Variants in ZHX1 observed in about 807,000 individuals in gnomAD.
The protein encoded by ZHX1 is zinc fingers and homeoboxes 1, also known as zinc fingers and homeoboxes protein 1.
A neutral mutation model predicts 61.8 loss-of-function variants in ZHX1; 20 were observed. That is an observed-to-expected ratio of 0.32 (90% CI 0.23 to 0.47). The LOEUF is 0.47. ZHX1 is among the 20% of genes least tolerant of loss of function. The pLI is 1.00. For missense variants in ZHX1, 800 were observed against 1,034.8 expected, an observed-to-expected ratio of 0.77 and a Z score of 3.11; for synonymous variants, 318 against 352.6, an observed-to-expected ratio of 0.90 and a Z score of 1.10.
At chr8:123,274,578 G>A (rs1356118447), upstream of ZHX1, 2 of 152,316 alleles carry the variant, frequency 1.3e-5, no homozygotes, top group African/African-American at 4.8e-5. Context: ...CTAGTCCGGG[G>A]ATTGGCGCAC....
In ZHX1 at chr8:123,254,870, T is replaced by C; in HGVS notation, c.1077A>G (p.Thr359=). 1 of 1,614,248 alleles carries C rather than the reference T, an allele frequency of 6.2e-7. No homozygotes were observed. The highest frequency in any genetic ancestry group is 8.5e-7 in the Non-Finnish European group (1 of 1,180,028). The change falls in exon 3 of 4, where the codon ACA becomes ACG. Residue 359 remains threonine, a synonymous_variant. Transcript: ENST00000395571. This position sits in a 1 kb window ranked among gnomAD's most constrained non-coding sequence, Gnocchi z 4.1. ...EEARRKQFNG[T]VHTVPQTITV... ...TTATGGTCTGAGGTACAGTATGCAC[T>C]GTTCCATTGAATTGTTTCCTTCTTG...
intron 2 of ZHX1, chr8:123,262,722 T>TTTCTTTA (rs1826313777): frequency 6.6e-6 from 1 of 152,112 alleles, no homozygotes; most frequent in Non-Finnish European, 1.5e-5. Flanking sequence ...ACCCTAAAAT[T>TTTCTTTA]GCAAATAGAC....
chr8:123,268,848 G>C (rs1466280947), intron 1 of ZHX1, among the ~76,000 whole-genome samples: 1 of 152,186 alleles, frequency 6.6e-6, no homozygotes, highest in African/African-American at 2.4e-5. Context: ...TATTAAGGAA[G>C]AGTATTTTCC....
intron 2 of ZHX1, 26 bp downstream of exon 2, chr8:123,267,247 C>T (rs1397375896): frequency 6.5e-7 from 1 of 1,528,010 alleles, no homozygotes; most frequent in Non-Finnish European, 8.8e-7. Flanking sequence ...CTGAGTTTTA[C>T]CATACCAAAA....
chr8:123,251,660 T>TA (rs561440421), intron 3 of ZHX1, among the ~76,000 whole-genome samples: 88 of 151,920 alleles, frequency 5.8e-4, no homozygotes, highest in African/African-American at 2.1e-3. Flanking sequence ...TGTTTAGCAA[T>TA]AAAAAAAATG....
intron 3 of ZHX1, chr8:123,252,663 G>A (rs1403300679): frequency 6.6e-6 from 1 of 151,988 alleles, no homozygotes; most frequent in Non-Finnish European, 1.5e-5. Flanking sequence ...ATTTATATAT[G>A]GCCTAAAACA....
Position 123,254,813 on chromosome 8 carries a change from A to G in ZHX1, c.1134T>C (p.Ser378=). 1 of 1,614,082 alleles carries G rather than the reference A, an allele frequency of 6.2e-7. No homozygotes were observed. Among genetic ancestry groups the G allele is most frequent in the African/African-American group, 1.3e-5 (1 of 74,992 alleles). ...TVIPTHISTG[S]NGLPSILQTC... is the part of the protein sequence containing the mutation. The stretch of plus-strand genomic sequence containing the variant: ...TCTGTAAAATAGATGGTAAACCATT[A>G]CTCCCTGTGGAAATGTGTGTAGGAA... The change falls in exon 3 of 4, where the codon AGT becomes AGC. Residue 378 remains serine, a synonymous_variant. Transcript: ENST00000395571. The surrounding 1 kb of genome is among the most constrained non-coding windows in gnomAD (Gnocchi z 4.1).
At chr8:123,261,916 C>T (rs946630156) in intron 2 of ZHX1, among the ~76,000 whole-genome samples, 3 of 152,116 alleles carry the variant, frequency 2.0e-5, no homozygotes, top group African/African-American at 7.2e-5. Context: ...CGTTCCTATT[C>T]ATCTCCCTTT....
Position 123,255,104 on chromosome 8 carries a change from G to T in ZHX1, c.843C>A (p.Ile281=). The change falls in exon 3 of 4, where the codon ATC becomes ATA. Residue 281 remains isoleucine, a synonymous_variant. Coordinates refer to ENST00000395571, the MANE Select transcript of ZHX1 (RefSeq NM_007222.5). ...QNSNLIPKVL[I]PVNSIPTYNA... ...TGTAGGTGGGAATGCTATTAACAGG[G>T]ATTAAGACTTTGGGAATCAAATTAG... 1 of 1,614,174 alleles carries T rather than the reference G, an allele frequency of 6.2e-7. No homozygotes were observed. The highest frequency in any genetic ancestry group is 8.5e-7 in the Non-Finnish European group (1 of 1,180,026).
Position 123,267,376 on chromosome 8 carries a change from T to A in ZHX1, c.-329A>T, listed in dbSNP as rs956523815. The A allele has an allele frequency of 1.8e-6, 2 of 1,117,768 alleles. No homozygotes were observed. Among genetic ancestry groups the A allele is most frequent in the South Asian group, 1.9e-5 (1 of 53,220 alleles). The allele number at this position is 1,117,768 out of a possible 1,614,324, so 69.2% of individuals were successfully genotyped here. A position where few individuals can be genotyped will look rare whatever the true frequency, so the allele number is the denominator to read the frequency against. ...ATTACCAACAGGTCCAAAGCAGCAG[T>A]CTGTCTTCTCCTACAAAAAAGTCAT... On this transcript the variant is annotated 5_prime_UTR_variant, in exon 2 of 4. Transcript: ENST00000395571.
At chr8:123,258,173 G>T (rs1422970613) in intron 2 of ZHX1, among the ~76,000 whole-genome samples, 1 of 152,168 alleles carries the variant, frequency 6.6e-6, no homozygotes, top group Non-Finnish European at 1.5e-5. Flanking sequence ...ATGTGGTAAT[G>T]AGTGAGTTCT....
intron 1 of ZHX1, among the ~76,000 whole-genome samples, chr8:123,272,623 A>AT (rs1248882069): frequency 6.6e-6 from 1 of 152,170 alleles, no homozygotes; most frequent in Non-Finnish European, 1.5e-5. Flanking sequence ...TTTCAGAATA[A>AT]TTTTTCAGAA....
At chr8:123,262,341 T>C (rs1826299173) in intron 2 of ZHX1, among the ~76,000 whole-genome samples, 1 of 152,224 alleles carries the variant, frequency 6.6e-6, no homozygotes, top group South Asian at 2.1e-4. Flanking sequence ...CCATTTACTA[T>C]TAAATTTTTT....
chr8:123,264,184 T>G (rs964016655), intron 2 of ZHX1, among the ~76,000 whole-genome samples: 6 of 152,160 alleles, frequency 3.9e-5, no homozygotes, highest in Admixed American at 1.3e-4. Context: ...ATTTTGGCAG[T>G]GAAATTCAGG....
At chr8:123,250,858 G>T (rs1009999511) in intron 3 of ZHX1, among the ~76,000 whole-genome samples, 3 of 152,092 alleles carry the variant, frequency 2.0e-5, no homozygotes, top group Non-Finnish European at 4.4e-5. Flanking sequence ...TATTTAAAAA[G>T]GCATGCTTCT....
chr8:123,269,545 G>A lies in ZHX1; in HGVS notation c.-339-2159C>T, dbSNP rs116261834. On this transcript the variant is annotated intron_variant, in intron 1 of 3. Transcript: ENST00000395571. ...AGAACAAGCTGTTCTGGTAGTAGATGGATTACAAAAAAAGACTGAGAGCTT... is the reference window on the plus strand; with the variant it reads ...AGAACAAGCTGTTCTGGTAGTAGATAGATTACAAAAAAAGACTGAGAGCTT... Among the ~76,000 whole-genome samples the A allele has an allele frequency of 1.2e-3, 185 of 152,196 alleles. 1 individual carries two copies. The highest frequency in any genetic ancestry group is 4.3e-3 in the African/African-American group (178 of 41,528).
intron 1 of ZHX1, among the ~76,000 whole-genome samples, chr8:123,270,938 T>C (rs1161537350): frequency 2.0e-5 from 3 of 152,180 alleles, no homozygotes; most frequent in African/African-American, 7.2e-5. Context: ...ACTGATTGTA[T>C]AAAATGCCAA....
chr8:123,267,050 C>T (rs1410062171), intron 2 of ZHX1, among the ~76,000 whole-genome samples: 1 of 152,010 alleles, frequency 6.6e-6, no homozygotes, highest in African/African-American at 2.4e-5. Flanking sequence ...TATAAATATA[C>T]AAGATTTATT....
chr8:123,259,389 T>A (rs1240896803), intron 2 of ZHX1, among the ~76,000 whole-genome samples: 4 of 152,214 alleles, frequency 2.6e-5, no homozygotes, highest in African/African-American at 2.4e-5. Flanking sequence ...GGTTGCCATT[T>A]TTTTTTTCAA....
Sources: gnomAD v4.1 joint callset for allele counts (sites outside exome capture counted in the v4.1 genomes callset) on GRCh38, gnomAD v4.1.1 for gene constraint, Gnocchi (gnomAD v3.1) non-coding constraint, MANE v1.5 for transcripts, NCBI Gene and HGNC (gene_info 2026-07-23, HGNC 2026-07-21) for gene names.